The following HS6ST2 variants were observed in gnomAD, a reference collection of about 807,000 sequenced individuals.
HS6ST2 encodes heparan sulfate 6-O-sulfotransferase 2.
HS6ST2 carries 17 observed loss-of-function variants against 33.0 expected under a neutral mutation model. The ratio of observed to expected loss-of-function variants is 0.52; its 90% CI spans 0.35 to 0.77. HS6ST2 has a LOEUF of 0.77. Ranked by LOEUF, HS6ST2 falls within the 30% of genes least tolerant of loss-of-function variation. The pLI, the probability that HS6ST2 is intolerant of heterozygous loss-of-function variation, is 0.01. For missense variants in HS6ST2, 519 were observed against 551.7 expected, an observed-to-expected ratio of 0.94 and a Z score of 0.59; for synonymous variants, 248 against 237.1, an observed-to-expected ratio of 1.05 and a Z score of -0.42.
At chrX:132,947,874 A>T (rs1361459816) in intron 2 of HS6ST2, among the ~76,000 whole-genome samples, 1 of 111,292 alleles carries the variant, frequency 9.0e-6, no homozygotes, top group African/African-American at 3.3e-5. Context: ...GCTTGCATTG[A>T]CTCTCCTGTA....
chrX:132,805,920 C>T (rs1176862269), intron 2 of HS6ST2, among the ~76,000 whole-genome samples: 1 of 110,429 alleles, frequency 9.1e-6, no homozygotes, highest in East Asian at 2.8e-4. Flanking sequence ...GATATTGTAT[C>T]TACATCGGCA....
chrX:132,880,491 C>T (rs951568216), intron 2 of HS6ST2, among the ~76,000 whole-genome samples: 7 of 101,728 alleles, frequency 6.9e-5, no homozygotes, highest in African/African-American at 2.5e-4. Flanking sequence ...AGCCACTACA[C>T]TCCAGCCTGG....
intron 2 of HS6ST2, among the ~76,000 whole-genome samples, chrX:132,776,069 GA>G (rs57188995): frequency 0.013 from 1,381 of 110,032 alleles, 25 homozygotes; most frequent in African/African-American, 0.044. Flanking sequence ...TTGACAAAAT[GA>G]AAAAAAAGTT....
At chrX:132,914,032 C>T (rs779591907) in intron 2 of HS6ST2, among the ~76,000 whole-genome samples, 1 of 111,956 alleles carries the variant, frequency 8.9e-6, no homozygotes, top group African/African-American at 3.2e-5. Context: ...GTCCTTTCAC[C>T]CAGCCTTTTC....
chrX:132,806,723 T>C (rs2065287336), intron 2 of HS6ST2, among the ~76,000 whole-genome samples: 1 of 109,703 alleles, frequency 9.1e-6, no homozygotes, highest in South Asian at 3.8e-4. Flanking sequence ...AACGGCACTC[T>C]TCTTTTGATT....
intron 2 of HS6ST2, among the ~76,000 whole-genome samples, chrX:132,721,922 C>T (rs192136082): frequency 0.013 from 1,486 of 111,444 alleles, 29 homozygotes; most frequent in African/African-American, 0.046. Context: ...GGCGCGGTGG[C>T]TCACGCCTGT....
At chrX:132,634,817 G>A (rs972420295) in intron 4 of HS6ST2, among the ~76,000 whole-genome samples, 4 of 111,458 alleles carry the variant, frequency 3.6e-5, no homozygotes, top group Non-Finnish European at 7.5e-5. Context: ...TCAAAGCTTT[G>A]CTAAATGAGT....
At chrX:132,906,294 A>G (rs753492923) in intron 2 of HS6ST2, among the ~76,000 whole-genome samples, 1 of 112,143 alleles carries the variant, frequency 8.9e-6, no homozygotes, top group Admixed American at 9.5e-5. Context: ...CAAATGACAT[A>G]TTTCTCTAAA....
chrX:132,784,012 G>A (rs1024868116), intron 2 of HS6ST2, among the ~76,000 whole-genome samples: 1 of 111,460 alleles, frequency 9.0e-6, no homozygotes, highest in African/African-American at 3.3e-5. Flanking sequence ...ATCAAAGCAA[G>A]GTGCCGAAGG....
intron 4 of HS6ST2, among the ~76,000 whole-genome samples, chrX:132,656,809 C>T (rs2063733325): frequency 9.0e-6 from 1 of 111,700 alleles, no homozygotes; most frequent in Non-Finnish European, 1.9e-5. Context: ...CCTGGAGCCC[C>T]ATCTATTTAC....
chrX:132,890,863 A>G (rs146810860), intron 2 of HS6ST2, among the ~76,000 whole-genome samples: 137 of 111,248 alleles, frequency 1.2e-3, no homozygotes, highest in African/African-American at 4.4e-3. Flanking sequence ...ATCATCTGGA[A>G]AGTTATCTAA....
intron 2 of HS6ST2, among the ~76,000 whole-genome samples, chrX:132,827,668 CGTT>C (rs1270065081): frequency 9.0e-6 from 1 of 111,190 alleles, no homozygotes; most frequent in Non-Finnish European, 1.9e-5. Context: ...AAGCCCCTAA[CGTT>C]GTTCCTAGCC....
At chrX:132,950,602 G>T (rs1204507284) in intron 2 of HS6ST2, among the ~76,000 whole-genome samples, 5 of 111,514 alleles carry the variant, frequency 4.5e-5, no homozygotes, top group Non-Finnish European at 9.4e-5. Context: ...GTTTAAATGT[G>T]CATTTCTTTA....
At chrX:132,891,946 C>T (rs2066318417) in intron 2 of HS6ST2, among the ~76,000 whole-genome samples, 1 of 111,231 alleles carries the variant, frequency 9.0e-6, no homozygotes, top group Non-Finnish European at 1.9e-5. Context: ...TTCTAGATCC[C>T]TGAGGAATCA....
intron 2 of HS6ST2, among the ~76,000 whole-genome samples, chrX:132,955,121 T>C (rs1463725083): frequency 8.9e-6 from 1 of 112,318 alleles, no homozygotes; most frequent in East Asian, 2.8e-4. Flanking sequence ...AAGAGCTTTT[T>C]AAATATTACC....
At position 132,957,401 on chromosome X, in the gene HS6ST2, T is replaced by A. The variant is rs564707879; in HGVS notation, c.429-75A>T. On this transcript the variant is annotated intron_variant, in intron 1 of 4. Transcript: ENST00000370833. ...TCGTCGTGCCCCCGCACCGCCCCCT[T>A]CCCCTGGAGCCGCTGCTGCGCCCCT... is the stretch of plus-strand genomic sequence containing the variant. 9.6e-4 allele frequency: 994 copies of A among 1,032,066 alleles called. 10 individuals carry two copies. The South Asian group carries it at 0.023, about 23-fold the overall frequency. The allele number at this position is 1,032,066 out of a possible 1,213,427, so 85.1% of individuals were successfully genotyped here. A position where few individuals can be genotyped will look rare whatever the true frequency, so the allele number is the denominator to read the frequency against.
intron 2 of HS6ST2, among the ~76,000 whole-genome samples, chrX:132,877,568 G>C (rs1028374990): frequency 1.8e-5 from 2 of 111,327 alleles, no homozygotes; most frequent in African/African-American, 6.5e-5. Flanking sequence ...CTTAGGGTCA[G>C]ACCCCGTTTC....
At chrX:132,961,160 C>T (rs941228822), upstream of HS6ST2, 1 of 108,757 alleles carries the variant, frequency 9.2e-6, no homozygotes, top group Admixed American at 9.8e-5. Flanking sequence ...GAGAACTGGC[C>T]GAACTGTCAA....
chrX:132,914,916 T>C (rs1448409898), intron 2 of HS6ST2, among the ~76,000 whole-genome samples: 1 of 112,780 alleles, frequency 8.9e-6, no homozygotes, highest in Non-Finnish European at 1.9e-5. Flanking sequence ...CATTTAAACT[T>C]CAGAGAAGTC....
Sources: allele counts gnomAD v4.1 joint callset (sites outside exome capture counted in the v4.1 genomes callset), GRCh38; gene constraint gnomAD v4.1.1; transcripts MANE v1.5; gene names NCBI Gene and HGNC (gene_info 2026-07-23, HGNC 2026-07-21).